The following PARM1 variants were observed in gnomAD, a reference collection of about 807,000 sequenced individuals.
PARM1 encodes prostate androgen-regulated mucin-like protein 1.
A neutral mutation model predicts 24.6 loss-of-function variants in PARM1; 14 were observed. That is an observed-to-expected ratio of 0.57 (90% CI 0.38 to 0.89). PARM1 has a LOEUF of 0.89. PARM1 is among the 40% of genes least tolerant of loss of function. The pLI, the probability that PARM1 is intolerant of heterozygous loss-of-function variation, is 0.00. For synonymous variants in PARM1, 179 were observed against 156.6 expected (o/e 1.14, Z -1.07); for missense variants, 362 against 380.4 (o/e 0.95, Z 0.40).
chr4:74,979,546 G>C (rs562958947), intron 1 of PARM1, among the ~76,000 whole-genome samples: 1 of 152,156 alleles, frequency 6.6e-6, no homozygotes, highest in African/African-American at 2.4e-5. Flanking sequence ...AGAAGGGCTA[G>C]TACCATTTCT....
At chr4:75,025,794 A>G (rs539821113) in intron 2 of PARM1, among the ~76,000 whole-genome samples, 1 of 152,354 alleles carries the variant, frequency 6.6e-6, no homozygotes, top group Admixed American at 6.5e-5. Context: ...CTTTTAGATA[A>G]AAGTGAAGCC....
chr4:75,014,250 G>A (rs532675092), intron 2 of PARM1, among the ~76,000 whole-genome samples: 1 of 152,290 alleles, frequency 6.6e-6, no homozygotes, highest in South Asian at 2.1e-4. Flanking sequence ...TAATGAAGAC[G>A]TGATTCCTCA....
chr4:74,933,223 C>A lies in PARM1; in HGVS notation c.-105C>A. The A allele has an allele frequency of 1.0e-6, 1 of 986,776 alleles. No homozygotes were observed. Among genetic ancestry groups the A allele is most frequent in the Non-Finnish European group, 1.6e-6 (1 of 639,212 alleles). The allele number at this position is 986,776 out of a possible 1,614,324, so 61.1% of individuals were successfully genotyped here. ...GCTGTTCGCGCCTCCCGGCTCCCAC[C>A]GCAGCCCACCCGGCAGAGGAGTCGC... is the stretch of plus-strand genomic sequence containing the variant. On this transcript the variant is annotated 5_prime_UTR_variant, in exon 1 of 4. Coordinates refer to ENST00000307428, the MANE Select transcript of PARM1 (RefSeq NM_015393.4).
Position 75,048,673 on chromosome 4 carries a change from T to A in PARM1, c.*2426T>A, listed in dbSNP as rs1723659881. On this transcript the variant is annotated 3_prime_UTR_variant, in exon 4 of 4. Coordinates refer to ENST00000307428, the MANE Select transcript of PARM1 (RefSeq NM_015393.4). ...AACCGTGAACTCAAGCAGGCATTTT[T>A]TTTTTCTTACCGAAAGGCTGCTATT... is the stretch of plus-strand genomic sequence containing the variant. The A allele has an allele frequency of 6.6e-6, 1 of 152,554 alleles. No individual in the cohort carries two copies. Among genetic ancestry groups the A allele is most frequent in the African/African-American group, 2.4e-5 (1 of 41,452 alleles). 9.5% of individuals were successfully genotyped at this position (152,554 alleles called of 1,614,324 possible).
intron 2 of PARM1, among the ~76,000 whole-genome samples, chr4:75,025,495 G>A (rs10518133): frequency 0.095 from 14,528 of 152,180 alleles, 837 homozygotes; most frequent in African/African-American, 0.16. Context: ...AATTCCAAGT[G>A]GAAAAGAGGC....
chr4:75,039,237 A>G (rs2109813285), intron 3 of PARM1, among the ~76,000 whole-genome samples: 1 of 152,278 alleles, frequency 6.6e-6, no homozygotes, highest in East Asian at 1.9e-4. Context: ...AGTTTATTAA[A>G]AACACAGTTT....
At chr4:75,015,412 G>C (rs80041797) in intron 2 of PARM1, among the ~76,000 whole-genome samples, 3,171 of 152,224 alleles carry the variant, frequency 0.021, 85 homozygotes, top group African/African-American at 0.065. Flanking sequence ...TAAATGACTG[G>C]GGAAGAGAGG....
chr4:74,941,412 G>C lies in PARM1; in HGVS notation c.43+8042G>C, dbSNP rs888197279. Among the ~76,000 whole-genome samples the C allele has an allele frequency of 1.3e-5, 2 of 152,194 alleles. 1 individual carries two copies. The highest frequency in any genetic ancestry group is 2.9e-5 in the Non-Finnish European group (2 of 68,040). On this transcript the variant is annotated intron_variant, in intron 1 of 3. Coordinates refer to ENST00000307428, the MANE Select transcript of PARM1 (RefSeq NM_015393.4). ...GAATTTCTGCAAAAATTACGGAGGA[G>C]AAGCTGGGGGCATAAAGTTTCATGA...
At chr4:74,982,635 T>G (rs1722280481) in intron 1 of PARM1, among the ~76,000 whole-genome samples, 1 of 152,182 alleles carries the variant, frequency 6.6e-6, no homozygotes, top group Non-Finnish European at 1.5e-5. Context: ...AGATTAGGGT[T>G]TGAGACTGTG....
At chr4:75,033,483 A>C (rs1723309794) in intron 2 of PARM1, among the ~76,000 whole-genome samples, 1 of 152,220 alleles carries the variant, frequency 6.6e-6, no homozygotes, top group African/African-American at 2.4e-5. Flanking sequence ...TAGAAAGATG[A>C]GGCAGAGCCC....
intron 1 of PARM1, among the ~76,000 whole-genome samples, chr4:75,006,427 A>G (rs1185791219): frequency 6.6e-6 from 1 of 151,974 alleles, no homozygotes; most frequent in Non-Finnish European, 1.5e-5. Flanking sequence ...TTTGCTGAGA[A>G]TGATGGTTTC....
intron 1 of PARM1, among the ~76,000 whole-genome samples, chr4:74,974,353 G>A (rs1463841593): frequency 6.6e-6 from 1 of 152,136 alleles, no homozygotes; most frequent in African/African-American, 2.4e-5. Context: ...GGGTCCCCAG[G>A]TCTCCACTGT....
At chr4:74,967,557 G>T (rs1003075477) in intron 1 of PARM1, 1 of 152,172 alleles carries the variant, frequency 6.6e-6, no homozygotes, top group Non-Finnish European at 1.5e-5. Context: ...TGGCACATCG[G>T]CTGGGCTAGT....
chr4:75,020,118 AG>A (rs1431025485), intron 2 of PARM1, among the ~76,000 whole-genome samples: 1 of 152,142 alleles, frequency 6.6e-6, no homozygotes, highest in Non-Finnish European at 1.5e-5. Flanking sequence ...AATAGGTTAA[AG>A]GGGAAAACAA....
chr4:75,035,514 C>T (rs548109854), intron 3 of PARM1, among the ~76,000 whole-genome samples: 5 of 152,220 alleles, frequency 3.3e-5, no homozygotes, highest in African/African-American at 7.2e-5. Flanking sequence ...CTGCTCTTGA[C>T]CCCACGTGGA....
chr4:74,958,356 C>A (rs1187903506), intron 1 of PARM1, among the ~76,000 whole-genome samples: 1 of 152,106 alleles, frequency 6.6e-6, no homozygotes, highest in African/African-American at 2.4e-5. Context: ...TGTACTGAGA[C>A]TATAAGGCAG....
intron 3 of PARM1, among the ~76,000 whole-genome samples, chr4:75,037,933 T>C (rs1305985165): frequency 6.6e-6 from 1 of 152,006 alleles, no homozygotes; most frequent in South Asian, 2.1e-4. Flanking sequence ...TTTTCTTTTT[T>C]TGAGTCGAAG....
At position 75,016,329 on chromosome 4, in the gene PARM1, TGCTCTTGTTGAATAATCCAGTGCCCTC is replaced by T. The variant is rs549178898; in HGVS notation, c.769+3180_769+3206del. 3.2e-3 allele frequency among the ~76,000 whole-genome samples: 482 copies of T among 152,348 alleles called. 2 individuals carry two copies. Among genetic ancestry groups the T allele is most frequent in the South Asian group, 5.6e-3 (27 of 4,828 alleles). ...ACGCAGAAGTTGTAAGCACTTAAAC[TGCTCTTGTTGAATAATCCAGTGCCCTC>T]TACATTGCCAGATCTAAGGGTAAAT... is the stretch of plus-strand genomic sequence containing the variant. On this transcript the variant is annotated intron_variant, in intron 2 of 3. Transcript: ENST00000307428.
chr4:75,006,969 T>C (rs1260220739), intron 1 of PARM1, among the ~76,000 whole-genome samples: 1 of 152,174 alleles, frequency 6.6e-6, no homozygotes, highest in Non-Finnish European at 1.5e-5. Context: ...TTTTGCGATC[T>C]ACCCATCTGA....
Sources: allele counts gnomAD v4.1 joint callset (sites outside exome capture counted in the v4.1 genomes callset), GRCh38; gene constraint gnomAD v4.1.1; transcripts MANE v1.5; gene names NCBI Gene and HGNC (gene_info 2026-07-23, HGNC 2026-07-21).